The following ABLIM1 variants were observed in gnomAD, a reference collection of about 807,000 sequenced individuals.
ABLIM1 encodes the protein actin-binding LIM protein 1.
ABLIM1 carries 40 observed loss-of-function variants against 107.0 expected under a neutral mutation model. That is an observed-to-expected ratio of 0.37 (90% CI 0.29 to 0.49). ABLIM1 has a LOEUF of 0.49. ABLIM1 is among the 20% of genes least tolerant of loss of function. ABLIM1 has a pLI of 0.97. For synonymous variants in ABLIM1, 357 were observed against 357.3 expected (o/e 1.00, Z 0.01); for missense variants, 857 against 1,008.5 (o/e 0.85, Z 2.04).
rs543359429 is a variant in ABLIM1 at position 114,475,482 on chromosome 10, T to C, written c.1042-1526A>G. 4.2e-4 allele frequency among the ~76,000 whole-genome samples: 64 copies of C among 152,314 alleles called. 1 individual carries two copies. Among genetic ancestry groups the C allele is most frequent in the African/African-American group, 1.5e-3 (61 of 41,574 alleles). Reference sequence around the variant, plus strand: ...ACTTTAGTCATGCTCTCTGCCCTCATAGAGTTTATTTTTTAACCACTGTCT... The same window carrying C: ...ACTTTAGTCATGCTCTCTGCCCTCACAGAGTTTATTTTTTAACCACTGTCT... On this transcript the variant is annotated intron_variant, in intron 8 of 22. Coordinates refer to ENST00000533213, the MANE Select transcript of ABLIM1 (RefSeq NM_002313.7).
chr10:114,680,849 T>C (rs1801403228), intron 1 of ABLIM1, among the ~76,000 whole-genome samples: 1 of 152,234 alleles, frequency 6.6e-6, no homozygotes. Context: ...CAGAGATTTA[T>C]TCTGAACAGT....
chr10:114,568,196 CAA>C (rs34861242), intron 4 of ABLIM1, among the ~76,000 whole-genome samples: 743 of 52,322 alleles, frequency 0.014, 1 homozygote, highest in Non-Finnish European at 0.023. Context: ...GACTCCGTCT[CAA>C]AAAAAAAAAA....
chr10:114,478,653 C>A (rs567180803), intron 8 of ABLIM1, among the ~76,000 whole-genome samples: 1 of 152,320 alleles, frequency 6.6e-6, no homozygotes, highest in Non-Finnish European at 1.5e-5. Context: ...TTCCTGAGGC[C>A]TTCCCAGCCA....
intron 1 of ABLIM1, among the ~76,000 whole-genome samples, chr10:114,692,318 G>C (rs905847469): frequency 1.3e-5 from 2 of 152,202 alleles, no homozygotes; most frequent in African/African-American, 4.8e-5. Context: ...AGATTTCAAA[G>C]ATTTCTGAAA....
chr10:114,526,593 G>A (rs938924586), intron 6 of ABLIM1: 31 of 983,480 alleles, frequency 3.2e-5, no homozygotes, highest in Non-Finnish European at 3.5e-5. Flanking sequence ...CACGAAGGAA[G>A]CCAGAAATCT....
intron 2 of ABLIM1, among the ~76,000 whole-genome samples, chr10:114,583,454 CACACACACACACACATATATAT>C (rs2073761139): frequency 2.5e-4 from 4 of 16,060 alleles, no homozygotes; most frequent in African/African-American, 3.7e-4. Context: ...CACACACACA[CACACACACACACACATATATAT>C]ATATATATAT....
At chr10:114,511,704 T>C (rs1306181316) in intron 6 of ABLIM1, among the ~76,000 whole-genome samples, 3 of 152,028 alleles carry the variant, frequency 2.0e-5, no homozygotes, top group Admixed American at 6.5e-5. Flanking sequence ...TTTCCTATCA[T>C]TTTGTTCCCA....
chr10:114,439,286 A>C (rs1474283080), intron 20 of ABLIM1, 36 bp from the exon 21 acceptor site: 1 of 1,612,172 alleles, frequency 6.2e-7, no homozygotes, highest in African/African-American at 1.3e-5. Flanking sequence ...TGAGGCATGA[A>C]ATAGTCTAGG....
At chr10:114,483,530 G>A (rs2057712850) in intron 8 of ABLIM1, among the ~76,000 whole-genome samples, 1 of 152,114 alleles carries the variant, frequency 6.6e-6, no homozygotes, top group Non-Finnish European at 1.5e-5. Context: ...GCCCACATTG[G>A]CCTCCCGACG....
At chr10:114,526,534 C>T (rs780411580) in intron 6 of ABLIM1, 17 of 669,596 alleles carry the variant, frequency 2.5e-5, no homozygotes, top group Non-Finnish European at 3.0e-5. Flanking sequence ...TGACTTCTGT[C>T]GCCAGCATCC....
intron 1 of ABLIM1, among the ~76,000 whole-genome samples, chr10:114,700,129 G>T (rs1184021570): frequency 6.6e-6 from 1 of 152,034 alleles, no homozygotes; most frequent in Non-Finnish European, 1.5e-5. Context: ...TACCAAAGAA[G>T]TCTAACAAGC....
At chr10:114,715,183 A>G (rs1253223799) in intron 1 of ABLIM1, among the ~76,000 whole-genome samples, 1 of 152,202 alleles carries the variant, frequency 6.6e-6, no homozygotes, top group Non-Finnish European at 1.5e-5. Context: ...GAAAAAAGGC[A>G]AAAAGATTTC....
intron 6 of ABLIM1, among the ~76,000 whole-genome samples, chr10:114,524,909 A>C (rs953497961): frequency 1.3e-5 from 2 of 152,250 alleles, no homozygotes; most frequent in South Asian, 2.1e-4. Context: ...TCAGGCAAAA[A>C]CACCTGTCCT....
At chr10:114,592,715 T>G (rs1239461689) in intron 2 of ABLIM1, among the ~76,000 whole-genome samples, 7 of 152,148 alleles carry the variant, frequency 4.6e-5, no homozygotes, top group Non-Finnish European at 7.4e-5. Context: ...TTGTACATAC[T>G]ATGAAGATGG....
intron 1 of ABLIM1, among the ~76,000 whole-genome samples, chr10:114,766,019 TA>T (rs1336640151): frequency 6.6e-6 from 1 of 152,220 alleles, no homozygotes; most frequent in Non-Finnish European, 1.5e-5. Flanking sequence ...TTTGAAGGAC[TA>T]ATAACAGAAG....
chr10:114,733,260 C>G (rs2082113010), intron 1 of ABLIM1, among the ~76,000 whole-genome samples: 1 of 152,116 alleles, frequency 6.6e-6, no homozygotes, highest in Non-Finnish European at 1.5e-5. Context: ...ACAGAGGGAA[C>G]AGAGTCCTAA....
chr10:114,759,552 G>C (rs1306130073), intron 1 of ABLIM1, among the ~76,000 whole-genome samples: 1 of 152,014 alleles, frequency 6.6e-6, no homozygotes, highest in Non-Finnish European at 1.5e-5. Context: ...TATGCTAAAC[G>C]CTGTTAGTCT....
chr10:114,557,757 A>G (rs960955197), intron 4 of ABLIM1, among the ~76,000 whole-genome samples: 3 of 145,766 alleles, frequency 2.1e-5, no homozygotes, highest in African/African-American at 7.6e-5. Context: ...TTCTTAGCAA[A>G]CTCCCCTTAA....
intron 1 of ABLIM1, among the ~76,000 whole-genome samples, chr10:114,729,655 T>C (rs148720577): frequency 1.4e-3 from 214 of 152,114 alleles, no homozygotes; most frequent in Middle Eastern, 6.8e-3. Context: ...ACTGAGAAAA[T>C]GAGACCATAC....
Sources: gnomAD v4.1 joint callset for allele counts (sites outside exome capture counted in the v4.1 genomes callset) on GRCh38, gnomAD v4.1.1 for gene constraint, MANE v1.5 for transcripts, NCBI Gene and HGNC (gene_info 2026-07-23, HGNC 2026-07-21) for gene names.